The following SERPINB7 variants were observed in gnomAD, a reference collection of about 807,000 sequenced individuals.
SERPINB7 encodes the protein serpin family B member 7, also known as serpin B7.
In SERPINB7, 31 loss-of-function variants were observed where a neutral mutation model predicts 37.4. The observed-to-expected ratio is 0.83, with a 90% confidence interval of 0.62 to 1.12. The LOEUF (loss-of-function observed/expected upper bound fraction) is 1.12, where lower values mean the gene tolerates loss of function less well. Ranked by LOEUF, SERPINB7 falls within the 50% of genes most tolerant of loss-of-function variation. The probability of loss-of-function intolerance (pLI) is 0.00; values close to 1 mark genes in which losing one functional copy is unlikely to be tolerated. For missense variants in SERPINB7, 521 were observed against 455.3 expected (o/e 1.14, Z -1.31); for synonymous variants, 163 against 166.1 (o/e 0.98, Z 0.14).
chr18:63,765,779 T>C (rs544914481), intron 1 of SERPINB7, among the ~76,000 whole-genome samples: 9 of 152,296 alleles, frequency 5.9e-5, no homozygotes, highest in African/African-American at 2.2e-4. Context: ...CCCATCCTAT[T>C]ATTCTCTTTC....
intron 5 of SERPINB7, 103 bp downstream of exon 5, chr18:63,796,486 C>A: frequency 1.6e-6 from 1 of 611,814 alleles, no homozygotes; most frequent in East Asian, 2.7e-5. Flanking sequence ...AACAGCTCCT[C>A]CTAGTTCAAA....
chr18:63,804,278 C>T lies in SERPINB7; in HGVS notation c.786C>T (p.Thr262=). Residue 262 remains threonine (T), a synonymous_variant, in exon 8 of 8, where the codon ACC becomes ACT. Transcript: ENST00000398019. The stretch of plus-strand genomic sequence containing the variant: ...CCTTTCAGAATCTAATGGAATGGAC[C>T]AATCCAAGGCGAATGACCTCTAAGT... ...KLTFQNLMEW[T]NPRRMTSKYV... 3 of 1,595,836 alleles carry T rather than the reference C, an allele frequency of 1.9e-6. 1 individual carries two copies. Among genetic ancestry groups the T allele is most frequent in the Non-Finnish European group, 8.5e-7 (1 of 1,173,920 alleles).
At chr18:63,777,750 T>G (rs914162161) in intron 1 of SERPINB7, 1 of 152,166 alleles carries the variant, frequency 6.6e-6, no homozygotes, top group African/African-American at 2.4e-5. Flanking sequence ...TCAGAGGCTT[T>G]ATATTTCAGA....
intron 4 of SERPINB7, among the ~76,000 whole-genome samples, chr18:63,794,389 CCA>C (rs1341447104): frequency 1.3e-5 from 2 of 152,068 alleles, no homozygotes; most frequent in Admixed American, 6.5e-5. Context: ...CCTTCCTAGG[CCA>C]TGGACTACTT....
intron 1 of SERPINB7, among the ~76,000 whole-genome samples, chr18:63,765,236 C>T (rs747968294): frequency 5.9e-5 from 9 of 152,114 alleles, no homozygotes; most frequent in Non-Finnish European, 1.2e-4. Flanking sequence ...TTACCAAAGC[C>T]ATAAGTCCAG....
At chr18:63,782,009 T>C (rs527509313) in intron 1 of SERPINB7, among the ~76,000 whole-genome samples, 1 of 152,308 alleles carries the variant, frequency 6.6e-6, no homozygotes, top group African/African-American at 2.4e-5. Context: ...TCAAATAGAC[T>C]GTCTAATATT....
chr18:63,779,053 A>C (rs1382124946), intron 1 of SERPINB7, among the ~76,000 whole-genome samples: 1 of 152,162 alleles, frequency 6.6e-6, no homozygotes, highest in African/African-American at 2.4e-5. Context: ...TGTCCAGACA[A>C]TGAAATACTG....
At chr18:63,792,015 A>G (rs2049434502) in intron 2 of SERPINB7, among the ~76,000 whole-genome samples, 1 of 152,206 alleles carries the variant, frequency 6.6e-6, no homozygotes, top group Non-Finnish European at 1.5e-5. Flanking sequence ...TATGCTTTTC[A>G]TTCAGTGTCA....
chr18:63,783,713 T>C (rs1040005188), intron 2 of SERPINB7, among the ~76,000 whole-genome samples: 1 of 152,152 alleles, frequency 6.6e-6, no homozygotes, highest in African/African-American at 2.4e-5. Context: ...AGATGCCAGG[T>C]CCAGGCTGCA....
chr18:63,788,729 C>G (rs570585677), intron 2 of SERPINB7, among the ~76,000 whole-genome samples: 1 of 152,298 alleles, frequency 6.6e-6, no homozygotes, highest in Non-Finnish European at 1.5e-5. Flanking sequence ...CAGTTTTCAT[C>G]TTTCATACAG....
intron 1 of SERPINB7, among the ~76,000 whole-genome samples, chr18:63,769,819 A>C (rs2049200080): frequency 6.6e-6 from 1 of 151,884 alleles, no homozygotes; most frequent in Non-Finnish European, 1.5e-5. Flanking sequence ...TTCATATACA[A>C]ATTTAAATCA....
chr18:63,778,445 TTTTTTAAAAAA>T (rs1301353873), intron 1 of SERPINB7, among the ~76,000 whole-genome samples: 2 of 152,096 alleles, frequency 1.3e-5, no homozygotes, highest in African/African-American at 2.4e-5. Flanking sequence ...ATATAAAAGC[TTTTTTAAAAAA>T]TAATGTGTCA....
chr18:63,794,563 G>A (rs1184364397), intron 4 of SERPINB7, among the ~76,000 whole-genome samples: 6 of 152,206 alleles, frequency 3.9e-5, no homozygotes, highest in South Asian at 2.1e-4. Flanking sequence ...GGTGGCAGGC[G>A]CCTGTAGTCC....
chr18:63,773,768 A>G (rs1227506573), upstream of SERPINB7, among the ~76,000 whole-genome samples: 1 of 152,298 alleles, frequency 6.6e-6, no homozygotes, highest in Middle Eastern at 3.4e-3. Flanking sequence ...CTTTCTTCTC[A>G]TACTTATGTC....
intron 2 of SERPINB7, among the ~76,000 whole-genome samples, chr18:63,789,715 A>G (rs1039333120): frequency 6.6e-6 from 1 of 152,222 alleles, no homozygotes; most frequent in African/African-American, 2.4e-5. Context: ...AGCTTATTCT[A>G]TTTTCAAGTA....
At chr18:63,756,162 G>T (rs1042648063) in intron 1 of SERPINB7, among the ~76,000 whole-genome samples, 9 of 151,818 alleles carry the variant, frequency 5.9e-5, no homozygotes, top group African/African-American at 1.7e-4. Context: ...AACTTTTGAG[G>T]TTTAAAAGTA....
chr18:63,760,682 G>A (rs1250507531), intron 1 of SERPINB7, among the ~76,000 whole-genome samples: 8 of 152,206 alleles, frequency 5.3e-5, no homozygotes, highest in Admixed American at 3.9e-4. Context: ...GGTGCCCTCT[G>A]TCCCAGCTGC....
rs1334448594 is a variant in SERPINB7, at chr18:63,782,579, T to C, written c.168+39T>C. On this transcript the variant is annotated intron_variant, in intron 2 of 7. Coordinates refer to ENST00000398019, the MANE Select transcript of SERPINB7 (RefSeq NM_003784.4). ...TTTGCAGTTAATCACTGGGACAAAT[T>C]GTTTTTCCCACGAGAACATTTCGTT... The C allele has an allele frequency of 1.9e-6, 3 of 1,541,448 alleles. No homozygotes were observed. The East Asian group carries it at 7.0e-5, about 36-fold the overall frequency.
At chr18:63,794,005 G>T (rs193012665) in intron 4 of SERPINB7, among the ~76,000 whole-genome samples, 2 of 151,292 alleles carry the variant, frequency 1.3e-5, no homozygotes, top group East Asian at 3.9e-4. Context: ...GTGCACTGGC[G>T]CAATCTCGGC....
Sources: gnomAD v4.1 joint callset for allele counts (sites outside exome capture counted in the v4.1 genomes callset) on GRCh38, gnomAD v4.1.1 for gene constraint, MANE v1.5 for transcripts, NCBI Gene and HGNC (gene_info 2026-07-23, HGNC 2026-07-21) for gene names.